The following SFSWAP variants were observed in gnomAD, a reference collection of about 807,000 sequenced individuals.
SFSWAP encodes splicing factor SWAP, also known as splicing factor, suppressor of white-apricot homolog.
In SFSWAP, 17 loss-of-function variants were observed where a neutral mutation model predicts 100.7. That is an observed-to-expected ratio of 0.17 (90% CI 0.12 to 0.25). SFSWAP has a LOEUF of 0.25. Among genes scored for constraint, SFSWAP ranks in the 10% least tolerant of loss-of-function variants. The pLI is 1.00. For synonymous variants in SFSWAP, 504 were observed against 510.1 expected, an observed-to-expected ratio of 0.99 and a Z score of 0.16; for missense variants, 1,005 against 1,262.6, an observed-to-expected ratio of 0.80 and a Z score of 3.09.
chr12:131,757,300 C>G (rs905235052), intron 11 of SFSWAP: 3 of 152,376 alleles, frequency 2.0e-5, no homozygotes, highest in African/African-American at 7.2e-5. Context: ...GGCAGGAGCC[C>G]CGTGGTGCGA....
Position 131,789,531 on chromosome 12 carries a change from C to T in SFSWAP, c.2534+2943C>T, listed in dbSNP as rs1216050800. Among the ~76,000 whole-genome samples, 3 of 152,088 alleles carry T rather than the reference C, an allele frequency of 2.0e-5. No homozygotes were observed. The East Asian group carries it at 5.8e-4, about 29-fold the overall frequency. ...CACCTGGGTAACAGAGTGAAACCCTCTCTTTCAAAAAAAAGTGTACAATAA... is the reference window on the plus strand; with the variant it reads ...CACCTGGGTAACAGAGTGAAACCCTTTCTTTCAAAAAAAAGTGTACAATAA... On this transcript the variant is annotated intron_variant, in intron 15 of 17. Transcript: ENST00000261674.
rs1222614020 is a variant in SFSWAP, at chr12:131,734,572, T to A, written c.1081+6144T>A. ...TGGGCTTGTGCATGTTTGAATGCCC[T>A]GTGGACCCGGAGCTCTGTGAGGCAA... On this transcript the variant is annotated intron_variant, in intron 7 of 17. Transcript: ENST00000261674. This position sits in a 1 kb window ranked among gnomAD's most constrained non-coding sequence, Gnocchi z 4.9. 6.6e-6 allele frequency among the ~76,000 whole-genome samples: 1 copy of A among 152,214 alleles called. No individual in the cohort carries two copies. Among genetic ancestry groups the A allele is most frequent in the Non-Finnish European group, 1.5e-5 (1 of 68,032 alleles).
At position 131,779,101 on chromosome 12, in the gene SFSWAP, T is replaced by TA. The variant is rs199857075; in HGVS notation, c.2408+772dup. Reference sequence around the variant, plus strand: ...ACTCACCGGCACCGCACTCTGCACATACACTCACCGGTGCCACACTCTGCA... The same window carrying TA: ...ACTCACCGGCACCGCACTCTGCACATAACACTCACCGGTGCCACACTCTGCA... On this transcript the variant is annotated intron_variant, in intron 14 of 17. Transcript: ENST00000261674. Among the ~76,000 whole-genome samples the TA allele has an allele frequency of 7.3e-3, 1,087 of 149,046 alleles. 44 individuals are homozygous for TA. Among genetic ancestry groups the TA allele is most frequent in the Admixed American group, 0.062 (941 of 15,132 alleles).
chr12:131,752,746 G>A (rs1480376714), intron 7 of SFSWAP, among the ~76,000 whole-genome samples: 1 of 152,244 alleles, frequency 6.6e-6, no homozygotes, highest in Non-Finnish European at 1.5e-5. Flanking sequence ...AGGAGCATAG[G>A]TGGCCTTCGT....
chr12:131,735,125 C>T (rs1254907416), intron 7 of SFSWAP, among the ~76,000 whole-genome samples: 1 of 152,208 alleles, frequency 6.6e-6, no homozygotes, highest in Non-Finnish European at 1.5e-5. Flanking sequence ...TGACAAGTAT[C>T]TGGGTCTGGG....
chr12:131,721,655 T>C (rs948297293), intron 4 of SFSWAP, among the ~76,000 whole-genome samples: 1 of 152,272 alleles, frequency 6.6e-6, no homozygotes, highest in African/African-American at 2.4e-5. Flanking sequence ...TGTGTTGCCT[T>C]AATTCCTATT....
At chr12:131,755,637 C>G (rs991246325) in intron 10 of SFSWAP, among the ~76,000 whole-genome samples, 158 bp downstream of exon 10, 2 of 152,144 alleles carry the variant, frequency 1.3e-5, no homozygotes, top group African/African-American at 4.8e-5. Flanking sequence ...TTTCACGTCC[C>G]CCTTAGCTCT....
At position 131,725,399 on chromosome 12, in the gene SFSWAP, C is replaced by G. The variant is rs1434489875; in HGVS notation, c.607-6C>G. ...GGGTGACGTGAATATGTGTGTTTTC[C>G]CGTAGCCACCAACCGCTAAAATGCA... On this transcript the variant is annotated splice_region_variant and splice_polypyrimidine_tract_variant and intron_variant, in intron 4 of 17. Transcript: ENST00000261674. This position sits in a 1 kb window ranked among gnomAD's most constrained non-coding sequence, Gnocchi z 4.3. 1.2e-6 allele frequency: 2 copies of G among 1,612,604 alleles called. No homozygotes were observed. The highest frequency in any genetic ancestry group is 1.7e-6 in the Non-Finnish European group (2 of 1,178,816).
intron 7 of SFSWAP, among the ~76,000 whole-genome samples, chr12:131,738,808 C>T (rs1880292090): frequency 6.6e-6 from 1 of 150,646 alleles, no homozygotes; most frequent in Non-Finnish European, 1.5e-5. Flanking sequence ...TGTGAAACAG[C>T]CCTCCATTAA....
At chr12:131,799,381 C>T (rs1885910091) in intron 17 of SFSWAP, 42 bp from the exon 18 acceptor site, 2 of 1,595,622 alleles carry the variant, frequency 1.3e-6, no homozygotes, top group East Asian at 4.5e-5. Context: ...GGTTGTCTGG[C>T]CAGGTCTTCA....
intron 13 of SFSWAP, among the ~76,000 whole-genome samples, chr12:131,769,182 A>G (rs549991986): frequency 1.3e-5 from 2 of 152,304 alleles, no homozygotes; most frequent in South Asian, 4.1e-4. Flanking sequence ...AACAACAAAA[A>G]TGATCATGAG....
chr12:131,766,873 A>T (rs1410479537), intron 13 of SFSWAP, among the ~76,000 whole-genome samples: 2 of 152,254 alleles, frequency 1.3e-5, no homozygotes, highest in Admixed American at 6.5e-5. Context: ...CCTGCCAAGG[A>T]GGGGGTGCTC....
rs373418128 is a variant in SFSWAP, at chr12:131,773,410, G to GCTCACTGCAGC, written c.2143-4652_2143-4642dup. On this transcript the variant is annotated intron_variant, in intron 13 of 17. Transcript: ENST00000261674. ...GCTAGAATGCAGTGGTACCATCACA[G>GCTCACTGCAGC]CTCACTGCAGCCTTGACCTCCCGGC... is the stretch of plus-strand genomic sequence containing the variant. Among the ~76,000 whole-genome samples the GCTCACTGCAGC allele has an allele frequency of 6.3e-3, 958 of 152,240 alleles. 9 individuals are homozygous for GCTCACTGCAGC. The highest frequency in any genetic ancestry group is 0.021 in the African/African-American group (890 of 41,532).
chr12:131,780,237 C>T (rs919104708), intron 14 of SFSWAP, among the ~76,000 whole-genome samples: 21 of 152,166 alleles, frequency 1.4e-4, no homozygotes, highest in Admixed American at 9.8e-4. Flanking sequence ...CACTTCATAC[C>T]CTTATACACG....
At chr12:131,783,821 T>C (rs988737454) in intron 14 of SFSWAP, 1 of 131,656 alleles carries the variant, frequency 7.6e-6, no homozygotes, top group Non-Finnish European at 1.6e-5. Context: ...TATATATATA[T>C]AATTCTTTGT....
chr12:131,792,877 T>C (rs1372196136), intron 15 of SFSWAP, among the ~76,000 whole-genome samples: 2 of 152,174 alleles, frequency 1.3e-5, no homozygotes, highest in African/African-American at 4.8e-5. Context: ...GAAATGCAGA[T>C]GACCTGGGAG....
At chr12:131,791,987 G>A (rs1885264588) in intron 15 of SFSWAP, among the ~76,000 whole-genome samples, 1 of 152,034 alleles carries the variant, frequency 6.6e-6, no homozygotes, top group Non-Finnish European at 1.5e-5. Context: ...TACTGTGTGT[G>A]CACCCGTGTG....
At chr12:131,757,889 T>C (rs2136229739) in intron 11 of SFSWAP, 1 of 152,320 alleles carries the variant, frequency 6.6e-6, no homozygotes, top group South Asian at 2.1e-4. Context: ...AGGAAAATGG[T>C]TACTGCTCTA....
intron 7 of SFSWAP, among the ~76,000 whole-genome samples, chr12:131,728,995 C>G (rs976693069): frequency 1.3e-5 from 2 of 152,102 alleles, no homozygotes; most frequent in Admixed American, 6.5e-5. Context: ...GCTCCTGGCC[C>G]TGGCTCTGCC....
Sources: allele counts gnomAD v4.1 joint callset (sites outside exome capture counted in the v4.1 genomes callset), GRCh38; gene constraint gnomAD v4.1.1; non-coding constraint Gnocchi (gnomAD v3.1); transcripts MANE v1.5; gene names NCBI Gene and HGNC (gene_info 2026-07-23, HGNC 2026-07-21).